MSH3: variants seen among roughly 807,000 people sequenced by gnomAD.
MSH3 encodes the protein DNA mismatch repair protein Msh3.
MSH3 carries 106 observed loss-of-function variants against 123.3 expected under a neutral mutation model. The ratio of observed to expected loss-of-function variants is 0.86; its 90% CI spans 0.73 to 1.01. The LOEUF is 1.01. Ranked by LOEUF, MSH3 falls within the 50% of genes least tolerant of loss-of-function variation. MSH3 has a pLI of 0.00. For missense variants in MSH3, 1,459 were observed against 1,347.6 expected (o/e 1.08, Z -1.29); for synonymous variants, 515 against 481.4 (o/e 1.07, Z -0.91).
At chr5:80,665,857 T>G (rs2112809331) in intron 3 of MSH3, among the ~76,000 whole-genome samples, 1 of 152,210 alleles carries the variant, frequency 6.6e-6, no homozygotes, top group East Asian at 1.9e-4. Flanking sequence ...TTTTCATAAC[T>G]GCAGAATCAG....
intron 2 of MSH3, among the ~76,000 whole-genome samples, chr5:80,664,381 CAA>C (rs1301214772): frequency 6.6e-6 from 1 of 152,138 alleles, no homozygotes; most frequent in Non-Finnish European, 1.5e-5. Flanking sequence ...ATTTCCCAGT[CAA>C]GAGTCCTCCC....
chr5:80,873,160 A>T lies in MSH3; in HGVS notation c.3175A>T (p.Ile1059Leu). 6.2e-7 allele frequency: 1 copy of T among 1,613,844 alleles called. No homozygotes were observed. The highest frequency in any genetic ancestry group is 8.5e-7 in the Non-Finnish European group (1 of 1,179,780). Reference protein sequence around the residue: ...VPDFVTFLYQITRGIAARSYG... With the variant: ...VPDFVTFLYQLTRGIAARSYG... ...TGATTTTGTCACCTTCCTTTACCAA[A>T]TAACTAGAGGAATTGCAGCAAGGAG... Residue 1059 changes from isoleucine (I) to leucine (L), a missense_variant, in exon 23 of 24, where the codon ATA (isoleucine) becomes TTA (leucine). Coordinates refer to ENST00000265081, the MANE Select transcript of MSH3 (RefSeq NM_002439.5).
chr5:80,844,510 C>G (rs1263286510), intron 20 of MSH3, among the ~76,000 whole-genome samples: 1 of 152,092 alleles, frequency 6.6e-6, no homozygotes, highest in East Asian at 1.9e-4. Context: ...GTTAAAATCT[C>G]CCATTATTAT....
chr5:80,689,883 T>C (rs6864493), intron 8 of MSH3, among the ~76,000 whole-genome samples: 34,537 of 151,968 alleles, frequency 0.23, 4,103 homozygotes, highest in Non-Finnish European at 0.27. Flanking sequence ...GGCTCAAACC[T>C]TTCCTGCATG....
chr5:80,742,268 C>G (rs750332051), intron 11 of MSH3, among the ~76,000 whole-genome samples: 5 of 152,176 alleles, frequency 3.3e-5, no homozygotes, highest in Non-Finnish European at 7.3e-5. Flanking sequence ...CCTCGGCCTC[C>G]CAAAATCCTA....
chr5:80,766,054 C>T (rs1159730842), intron 13 of MSH3, among the ~76,000 whole-genome samples: 1 of 151,986 alleles, frequency 6.6e-6, no homozygotes, highest in African/African-American at 2.4e-5. Flanking sequence ...TTCTTGTCCT[C>T]CAAATGTTTT....
chr5:80,846,698 C>T (rs34799825), intron 20 of MSH3, among the ~76,000 whole-genome samples: 21,454 of 152,220 alleles, frequency 0.14, 1,551 homozygotes, highest in East Asian at 0.24. Flanking sequence ...AGCAAGGCTC[C>T]GTGGGCGTGA....
intron 22 of MSH3, among the ~76,000 whole-genome samples, chr5:80,866,351 C>A (rs995364434): frequency 6.6e-6 from 1 of 152,172 alleles, no homozygotes; most frequent in Non-Finnish European, 1.5e-5. Context: ...GTTGCCCAGG[C>A]TGGTCTCAAA....
chr5:80,674,682 T>G (rs547240486), intron 6 of MSH3, among the ~76,000 whole-genome samples: 4 of 152,342 alleles, frequency 2.6e-5, no homozygotes, highest in Admixed American at 6.5e-5. Flanking sequence ...GCAGAAGATT[T>G]TTGCAAAGGG....
chr5:80,661,193 T>C (rs1325946949), intron 2 of MSH3, among the ~76,000 whole-genome samples: 1 of 152,238 alleles, frequency 6.6e-6, no homozygotes, highest in Admixed American at 6.5e-5. Context: ...ATAGGTCTTA[T>C]TAAATGTGGG....
intron 8 of MSH3, among the ~76,000 whole-genome samples, chr5:80,692,460 AC>A (rs1484730544): frequency 2.1e-5 from 1 of 48,732 alleles, no homozygotes; most frequent in Non-Finnish European, 3.5e-5. Flanking sequence ...AGATAGATAA[AC>A]ATGTATATGT....
At position 80,665,170 on chromosome 5, in the gene MSH3, A is replaced by G. The variant is rs374128221; in HGVS notation, c.386A>G (p.Asn129Ser). Residue 129 changes from asparagine (N) to serine (S), a missense_variant, in exon 3 of 24, where the codon AAT becomes AGT. Physicochemically the swap from Asn to Ser is conservative, Grantham distance 46. Transcript: ENST00000265081. ...CCAAAGAAATGTCTGAGGACCAGGAATGTTTCAAAGTCTCTGGAAAAATTG... is the reference window on the plus strand; with the variant it reads ...CCAAAGAAATGTCTGAGGACCAGGAGTGTTTCAAAGTCTCTGGAAAAATTG... ...SEPKKCLRTR[N>S]VSKSLEKLKE... 1 of 1,613,962 alleles carries G rather than the reference A, an allele frequency of 6.2e-7. No individual in the cohort carries two copies. Among genetic ancestry groups the G allele is most frequent in the African/African-American group, 1.3e-5 (1 of 74,934 alleles).
chr5:80,670,150 A>G lies in MSH3; in HGVS notation c.633A>G (p.Glu211=), dbSNP rs183147014. The G allele has an allele frequency of 1.4e-5, 23 of 1,614,178 alleles. No individual in the cohort carries two copies. The Admixed American group carries it at 3.8e-4, about 27-fold the overall frequency. The change falls in exon 4 of 24, where the codon GAA becomes GAG. Residue 211 remains glutamate (E), a synonymous_variant. Coordinates refer to ENST00000265081, the MANE Select transcript of MSH3 (RefSeq NM_002439.5). ...TTGGATCATCAAATACAAGTCATGA[A>G]AATTTACAGAAAACTGCTTCCAAAT... is the stretch of plus-strand genomic sequence containing the variant. The part of the protein sequence containing the change: ...SQFGSSNTSH[E]NLQKTASKSA...
chr5:80,840,443 T>C (rs1270284117), intron 20 of MSH3, among the ~76,000 whole-genome samples: 1 of 152,126 alleles, frequency 6.6e-6, no homozygotes, highest in East Asian at 1.9e-4. Context: ...TTTTTTTTCT[T>C]TGCTCTGTTG....
At chr5:80,667,561 G>A (rs542368471) in intron 3 of MSH3, among the ~76,000 whole-genome samples, 1 of 152,216 alleles carries the variant, frequency 6.6e-6, no homozygotes, top group Non-Finnish European at 1.5e-5. Context: ...CCAAGGGTGA[G>A]CCAGGAGTGG....
intron 12 of MSH3, among the ~76,000 whole-genome samples, chr5:80,759,694 A>G (rs1435410960): frequency 5.3e-5 from 8 of 152,216 alleles, no homozygotes; most frequent in African/African-American, 1.4e-4. Context: ...CTCAGGCTGC[A>G]GTGTGGAGAA....
At chr5:80,804,899 G>A (rs1306756465) in intron 19 of MSH3, among the ~76,000 whole-genome samples, 3 of 152,168 alleles carry the variant, frequency 2.0e-5, no homozygotes, top group African/African-American at 7.2e-5. Context: ...ACTCTGGGAG[G>A]GAAGTAATTA....
intron 21 of MSH3, among the ~76,000 whole-genome samples, chr5:80,855,276 C>G (rs1283526757): frequency 6.6e-6 from 1 of 151,962 alleles, no homozygotes; most frequent in African/African-American, 2.4e-5. Flanking sequence ...GCTCCTTTGT[C>G]ATTGTGTCTT....
chr5:80,798,407 G>A (rs552619387), intron 19 of MSH3, among the ~76,000 whole-genome samples: 2 of 152,142 alleles, frequency 1.3e-5, no homozygotes, highest in Non-Finnish European at 2.9e-5. Flanking sequence ...TACAAATAAT[G>A]TCTAGCTGGC....
Sources: allele counts gnomAD v4.1 joint callset (sites outside exome capture counted in the v4.1 genomes callset), GRCh38; gene constraint gnomAD v4.1.1; transcripts MANE v1.5; gene names NCBI Gene and HGNC (gene_info 2026-07-23, HGNC 2026-07-21).